Variants in COL22A1 observed in about 807,000 individuals in gnomAD.
COL22A1 encodes the protein collagen type XXII alpha 1 chain.
Under a neutral mutation model 248.9 loss-of-function variants are expected in COL22A1, and 221 were observed. That is an observed-to-expected ratio of 0.89 (90% CI 0.80 to 0.99). The LOEUF (loss-of-function observed/expected upper bound fraction) is 0.99. COL22A1 is among the 50% of genes least tolerant of loss of function. COL22A1 has a pLI of 0.00. For missense variants in COL22A1, 2,240 were observed against 2,179.0 expected, an observed-to-expected ratio of 1.03 and a Z score of -0.56; for synonymous variants, 891 against 793.4, an observed-to-expected ratio of 1.12 and a Z score of -2.07.
intron 3 of COL22A1, among the ~76,000 whole-genome samples, chr8:138,868,297 C>T (rs1371712384): frequency 1.3e-5 from 2 of 152,052 alleles, no homozygotes; most frequent in Non-Finnish European, 2.9e-5. Context: ...AAGCGGGCAA[C>T]ATCACTTCCA....
chr8:138,894,666 C>A (rs542295865), intron 1 of COL22A1, among the ~76,000 whole-genome samples: 2 of 152,228 alleles, frequency 1.3e-5, no homozygotes, highest in East Asian at 3.9e-4. Flanking sequence ...GAAAACAGAG[C>A]TTTCAGTGGT....
Position 138,694,554 on chromosome 8 carries a change from T to C in COL22A1, c.2654A>G (p.Gln885Arg), listed in dbSNP as rs1827340955. ...DPGLPGEPGL[Q>R]GRPGELGPQG... ...AGGCCCCAATTCTCCAGGACGGCCC[T>C]GCAGTCCCTGTAAGCACACAAGTTG... Residue 885 changes from glutamine to arginine, a missense_variant, in exon 34 of 65, where the codon CAG (glutamine) becomes CGG (arginine). Transcript: ENST00000303045. The C allele has an allele frequency of 1.2e-6, 2 of 1,613,926 alleles. No homozygotes were observed. The highest frequency in any genetic ancestry group is 1.3e-5 in the African/African-American group (1 of 74,934).
intron 23 of COL22A1, among the ~76,000 whole-genome samples, chr8:138,734,928 A>G (rs572394905): frequency 3.9e-4 from 60 of 152,270 alleles, no homozygotes; most frequent in African/African-American, 1.4e-3. Context: ...AGAAAACCAA[A>G]TACCACATGT....
At chr8:138,628,005 G>A (rs1820393738) in intron 50 of COL22A1, among the ~76,000 whole-genome samples, 1 of 151,804 alleles carries the variant, frequency 6.6e-6, no homozygotes, top group Admixed American at 6.6e-5. Context: ...CCTACAAAAG[G>A]TTAGGAAAAA....
intron 3 of COL22A1, among the ~76,000 whole-genome samples, chr8:138,875,326 G>A (rs979848507): frequency 1.3e-5 from 2 of 152,080 alleles, no homozygotes; most frequent in African/African-American, 4.8e-5. Flanking sequence ...CACATCCCAG[G>A]GACTTGACCT....
chr8:138,727,680 G>C (rs1830421691), intron 23 of COL22A1, among the ~76,000 whole-genome samples: 1 of 152,130 alleles, frequency 6.6e-6, no homozygotes, highest in African/African-American at 2.4e-5. Context: ...TACTGAACAG[G>C]ATTTGGGGGC....
At chr8:138,869,589 C>A (rs757952913) in intron 3 of COL22A1, among the ~76,000 whole-genome samples, 6 of 152,218 alleles carry the variant, frequency 3.9e-5, no homozygotes, top group Non-Finnish European at 7.3e-5. Flanking sequence ...CTTTGAAGTA[C>A]ACACATTTAA....
chr8:138,684,110 C>A (rs1390072711), intron 39 of COL22A1, among the ~76,000 whole-genome samples: 1 of 151,826 alleles, frequency 6.6e-6, no homozygotes, highest in Non-Finnish European at 1.5e-5. Context: ...ATATACAAAA[C>A]AAAATTAGTC....
At chr8:138,842,345 T>C (rs926544115) in intron 4 of COL22A1, among the ~76,000 whole-genome samples, 21 of 152,236 alleles carry the variant, frequency 1.4e-4, no homozygotes, top group Admixed American at 1.2e-3. Context: ...ATTGTCATAA[T>C]GATTCCTTTC....
intron 48 of COL22A1, among the ~76,000 whole-genome samples, chr8:138,635,534 C>T (rs1821084096): frequency 6.6e-6 from 1 of 152,040 alleles, no homozygotes. Flanking sequence ...CATATTCTGG[C>T]AATATTACAG....
At position 138,589,342 on chromosome 8, in the gene COL22A1, G is replaced by T; in HGVS notation, c.4792C>A (p.Pro1598Thr). ...GPAGHPGLPG[P>T]PGPPGQCDPS... is the part of the protein sequence containing the mutation. ...TCACATTGGCCTGGGGGACCGGGAG[G>T]TCCTGGGAGGCCAGGATGTCCAGCT... The change falls in exon 65 of 65, where the codon CCT (proline) becomes ACT (threonine). Residue 1598 changes from proline to threonine, a missense_variant. Physicochemically the swap from Pro to Thr is conservative, Grantham distance 38. Transcript: ENST00000303045. 2.5e-6 allele frequency: 4 copies of T among 1,612,096 alleles called. No homozygotes were observed. Among genetic ancestry groups the T allele is most frequent in the Non-Finnish European group, 3.4e-6 (4 of 1,179,090 alleles).
intron 55 of COL22A1, among the ~76,000 whole-genome samples, chr8:138,615,733 T>A (rs1819263531): frequency 6.6e-6 from 1 of 152,042 alleles, no homozygotes; most frequent in South Asian, 2.1e-4. Context: ...CAAGTCCATT[T>A]AAGGCTGGAT....
intron 23 of COL22A1, among the ~76,000 whole-genome samples, chr8:138,732,903 G>A (rs1177289151): frequency 6.6e-6 from 1 of 152,166 alleles, no homozygotes; most frequent in Non-Finnish European, 1.5e-5. Flanking sequence ...GATTTATAAA[G>A]TTAGATGGAA....
chr8:138,723,817 C>T (rs189535260), intron 25 of COL22A1, among the ~76,000 whole-genome samples: 12 of 152,350 alleles, frequency 7.9e-5, no homozygotes, highest in South Asian at 2.1e-4. Context: ...GGTGTTACCA[C>T]GACCACAGGC....
chr8:138,636,058 G>T (rs1587726869), intron 48 of COL22A1, among the ~76,000 whole-genome samples: 2 of 152,318 alleles, frequency 1.3e-5, no homozygotes, highest in East Asian at 1.9e-4. Flanking sequence ...AGAAGTAAAG[G>T]GGAGGGCAGC....
intron 22 of COL22A1, among the ~76,000 whole-genome samples, chr8:138,747,441 C>T (rs1832213141): frequency 6.6e-6 from 1 of 152,158 alleles, no homozygotes; most frequent in Non-Finnish European, 1.5e-5. Flanking sequence ...ACCCACAAGG[C>T]CTGAAAGGAA....
At chr8:138,590,369 T>G (rs1272243195) in intron 64 of COL22A1, among the ~76,000 whole-genome samples, 1 of 152,196 alleles carries the variant, frequency 6.6e-6, no homozygotes, top group Non-Finnish European at 1.5e-5. Flanking sequence ...TCAGTGTTAT[T>G]CATTCCTTGG....
chr8:138,589,142 G>GAAA lies in COL22A1; in HGVS notation c.*108_*110dup. On this transcript the variant is annotated 3_prime_UTR_variant, in exon 65 of 65. Coordinates refer to ENST00000303045, the MANE Select transcript of COL22A1 (RefSeq NM_152888.3). ...AACAAAAAGCAAACGATAAAAGAAAGAAAAAAAAAAGGAACACATGGCTGA... is the reference window on the plus strand; with the variant it reads ...AACAAAAAGCAAACGATAAAAGAAAGAAAAAAAAAAAAAGGAACACATGGCTGA... 1.1e-6 allele frequency: 1 copy of GAAA among 901,616 alleles called. No homozygotes were observed. The highest frequency in any genetic ancestry group is 1.6e-6 in the Non-Finnish European group (1 of 618,288). The allele number at this position is 901,616 out of a possible 1,614,324, so 55.9% of individuals were successfully genotyped here. A position where few individuals can be genotyped will look rare whatever the true frequency, so the allele number is the denominator to read the frequency against.
Position 138,607,957 on chromosome 8 carries a change from C to A in COL22A1, c.4011G>T (p.Glu1337Asp), listed in dbSNP as rs756576971. The A allele has an allele frequency of 6.2e-7, 1 of 1,614,080 alleles. No homozygotes were observed. The highest frequency in any genetic ancestry group is 8.5e-7 in the Non-Finnish European group (1 of 1,179,992). The change falls in exon 57 of 65, where the codon GAG (glutamate) becomes GAT (aspartate). Residue 1337 changes from glutamate (E) to aspartate (D), a missense_variant. By Grantham distance (45) the Glu-to-Asp change is conservative (BLOSUM62 2). Coordinates refer to ENST00000303045, the MANE Select transcript of COL22A1 (RefSeq NM_152888.3). ...GKNGSPGSPG[E>D]PGPSGTPGQK... ...TCACAGGGGTTCCTGAAGGGCCAGG[C>A]TCTCCTGGAGATCCCGGTGATCCAT...
Sources: gnomAD v4.1 joint callset for allele counts (sites outside exome capture counted in the v4.1 genomes callset) on GRCh38, gnomAD v4.1.1 for gene constraint, MANE v1.5 for transcripts, NCBI Gene and HGNC (gene_info 2026-07-23, HGNC 2026-07-21) for gene names.